Variants in GBF1 observed in about 807,000 individuals in gnomAD.
GBF1 encodes the protein golgi brefeldin A resistant guanine nucleotide exchange factor 1, also known as Golgi-specific brefeldin A-resistance guanine nucleotide exchange factor 1.
GBF1 carries 114 observed loss-of-function variants against 210.5 expected under a neutral mutation model. The observed-to-expected ratio is 0.54, with a 90% CI of 0.47 to 0.63. The LOEUF (loss-of-function observed/expected upper bound fraction) is 0.63, where lower values mean the gene tolerates loss of function less well. Among genes scored for constraint, GBF1 ranks in the 30% least tolerant of loss-of-function variants. The probability of loss-of-function intolerance (pLI) is 0.00; values close to 1 mark genes in which losing one functional copy is unlikely to be tolerated. For missense variants in GBF1, 1,851 were observed against 2,357.7 expected, an observed-to-expected ratio of 0.79 and a Z score of 4.45; for synonymous variants, 850 against 889.2, an observed-to-expected ratio of 0.96 and a Z score of 0.78.
At chr10:102,260,473 C>CTCTTTTTTTTTT (rs2073056936) in intron 3 of GBF1, among the ~76,000 whole-genome samples, 4 of 74,792 alleles carry the variant, frequency 5.3e-5, no homozygotes, top group African/African-American at 2.1e-4. Context: ...ATTTTCCTTT[C>CTCTTTTTTTTTT]TTCTTTTTTT....
chr10:102,302,374 G>C (rs756691261), intron 3 of GBF1, among the ~76,000 whole-genome samples: 2 of 152,020 alleles, frequency 1.3e-5, no homozygotes, highest in Non-Finnish European at 2.9e-5. Context: ...TTAAAGGAGT[G>C]AACTATATCT....
Position 102,362,671 on chromosome 10 carries a change from G to C in GBF1, c.1876+7G>C. The C allele has an allele frequency of 1.2e-6, 2 of 1,609,316 alleles. No individual in the cohort carries two copies. The highest frequency in any genetic ancestry group is 1.7e-6 in the Non-Finnish European group (2 of 1,175,722). ...ACCCGAGAAGCTAGCAATAGTGAGA[G>C]GCATTTCTTTCTTTGATGAACCCAG... On this transcript the variant is annotated splice_region_variant and intron_variant, in intron 15 of 39. Transcript: ENST00000369983.
rs778603358 is a variant in GBF1, at chr10:102,370,002, C to T, written c.3339+18C>T. 3.7e-6 allele frequency: 6 copies of T among 1,613,770 alleles called. No individual in the cohort carries two copies. The East Asian group carries it at 1.1e-4, about 30-fold the overall frequency. On this transcript the variant is annotated intron_variant, in intron 26 of 39. Transcript: ENST00000369983. ...GTATAAAGGTAACTGCCCATCCACC[C>T]CTGGTGAGAAAGCCTAAACACCTTC... is the stretch of plus-strand genomic sequence containing the variant.
Position 102,382,318 on chromosome 10 carries a change from C to CA in GBF1, c.5566dup (p.Thr1856AsnfsTer3), listed in dbSNP as rs764254775. ...CACCCCGCCCCACAGATCCCATACC[C>CA]ACCTCTGAGGTCAACTAAGGCAGGT... On this transcript the variant is annotated frameshift_variant, in exon 40 of 40. Transcript: ENST00000369983. LOFTEE classifies it high-confidence loss of function. The CA allele has an allele frequency of 6.2e-7, 1 of 1,611,354 alleles. No homozygotes were observed. The highest frequency in any genetic ancestry group is 1.7e-5 in the Admixed American group (1 of 59,728).
At chr10:102,369,066 G>A in intron 23 of GBF1, 145 bp from the exon 24 acceptor site, 1 of 691,598 alleles carries the variant, frequency 1.4e-6, no homozygotes, top group Non-Finnish European at 2.5e-6. Context: ...GCCTTAACTA[G>A]GTTAACCCAC....
intron 3 of GBF1, among the ~76,000 whole-genome samples, chr10:102,334,422 G>A (rs924646170): frequency 1.3e-5 from 2 of 152,212 alleles, no homozygotes; most frequent in Non-Finnish European, 2.9e-5. Flanking sequence ...CCTCCTGGGA[G>A]GATGGTGGCT....
Position 102,366,694 on chromosome 10 carries a change from C to G in GBF1, c.2433+188C>G, listed in dbSNP as rs1190526697. On this transcript the variant is annotated intron_variant, in intron 19 of 39. Transcript: ENST00000369983. The surrounding 1 kb of genome is among the most constrained non-coding windows in gnomAD (Gnocchi z 4.0). ...CTCCACCCCCCGGGTTCAAGCAATT[C>G]TCCTGCCTTAGCCTCCTGAGTAGCT... Among the ~76,000 whole-genome samples the G allele has an allele frequency of 6.6e-6, 1 of 150,402 alleles. No homozygotes were observed. Among genetic ancestry groups the G allele is most frequent in the South Asian group, 2.1e-4 (1 of 4,688 alleles).
chr10:102,312,939 T>C (rs557868710), intron 3 of GBF1, among the ~76,000 whole-genome samples: 3 of 152,226 alleles, frequency 2.0e-5, no homozygotes, highest in African/African-American at 7.2e-5. Flanking sequence ...GCTAGGCTCA[T>C]CTTGATGGTC....
rs566020789 is a variant in GBF1, at chr10:102,358,570, AGTG to A, written c.855_857del (p.Val286del). Reference sequence around the variant, plus strand: ...CTGCAAGTTCAGAAGCTGCCTCAGCAGTGGTCAGTCCCTCTACAGACAGTGGCC... The same window carrying A: ...CTGCAAGTTCAGAAGCTGCCTCAGCAGTCAGTCCCTCTACAGACAGTGGCC... On this transcript the variant is annotated inframe_deletion, in exon 10 of 40. Coordinates refer to ENST00000369983, the MANE Select transcript of GBF1 (RefSeq NM_001377137.1). The A allele has an allele frequency of 8.1e-5, 131 of 1,614,104 alleles. No individual in the cohort carries two copies. The Middle Eastern group carries it at 2.3e-3, about 28-fold the overall frequency.
intron 3 of GBF1, among the ~76,000 whole-genome samples, chr10:102,325,073 T>C (rs2056775221): frequency 6.6e-6 from 1 of 152,256 alleles, no homozygotes; most frequent in Admixed American, 6.5e-5. Flanking sequence ...TCTGAGGCTA[T>C]CTACTCTTCT....
chr10:102,366,358 C>T lies in GBF1; in HGVS notation c.2310-25C>T, dbSNP rs755963561. On this transcript the variant is annotated intron_variant, in intron 18 of 39. Transcript: ENST00000369983. This position sits in a 1 kb window ranked among gnomAD's most constrained non-coding sequence, Gnocchi z 4.0. ...CATGTGCAGCTTACACATTTTCAGC[C>T]TCTTCTTCCTTTCTTTCCCTATAGC... is the stretch of plus-strand genomic sequence containing the variant. 3.7e-6 allele frequency: 6 copies of T among 1,613,560 alleles called. 1 individual carries two copies. In the Admixed American group the frequency reaches 1.0e-4, roughly 27 times the overall value.
intron 3 of GBF1, among the ~76,000 whole-genome samples, chr10:102,320,090 G>A (rs2056257159): frequency 1.3e-5 from 2 of 152,046 alleles, no homozygotes; most frequent in African/African-American, 4.8e-5. Flanking sequence ...TCATCCAGTA[G>A]CTTCTAGGAA....
chr10:102,274,230 A>G (rs918306614), intron 3 of GBF1, among the ~76,000 whole-genome samples: 1 of 152,170 alleles, frequency 6.6e-6, no homozygotes, highest in African/African-American at 2.4e-5. Flanking sequence ...CAGTTTCCAC[A>G]CGTGACCTCA....
At chr10:102,275,989 C>T (rs2074921472) in intron 3 of GBF1, among the ~76,000 whole-genome samples, 1 of 152,222 alleles carries the variant, frequency 6.6e-6, no homozygotes, top group Non-Finnish European at 1.5e-5. Context: ...GTAATCCCAG[C>T]ACTTTGGGAG....
At position 102,375,492 on chromosome 10, in the gene GBF1, C is replaced by T. The variant is rs1219961911; in HGVS notation, c.3794C>T (p.Ala1265Val). The T allele has an allele frequency of 1.2e-6, 2 of 1,613,214 alleles. No homozygotes were observed. The highest frequency in any genetic ancestry group is 4.5e-5 in the East Asian group (2 of 44,878). ...AANIHSGDDW[A>V]TLFTLLECIG... The stretch of plus-strand genomic sequence containing the variant: ...AACATCCACTCAGGTGATGACTGGG[C>T]CACACTCTTCACACTGCTGGAGTGC... The change falls in exon 30 of 40, where the codon GCC becomes GTC. Residue 1265 changes from alanine (A) to valine (V), a missense_variant. Ala to Val is a moderately conservative substitution (Grantham distance 64). Transcript: ENST00000369983.
intron 1 of GBF1, among the ~76,000 whole-genome samples, chr10:102,257,740 A>C (rs1033280225): frequency 6.6e-6 from 1 of 151,934 alleles, no homozygotes; most frequent in Non-Finnish European, 1.5e-5. Flanking sequence ...AGTAGATTAA[A>C]AAGAACAAAG....
At chr10:102,239,963 TG>T in the GBF1 span, among the ~76,000 whole-genome samples, 2 of 152,214 alleles carry the variant, frequency 1.3e-5, no homozygotes, top group Admixed American at 6.5e-5. Context: ...CTGGATTCCA[TG>T]AGCCTCCTTC....
At chr10:102,242,041 TTC>T (rs2070550623), upstream of GBF1, among the ~76,000 whole-genome samples, 1 of 152,220 alleles carries the variant, frequency 6.6e-6, no homozygotes, top group Admixed American at 6.5e-5. Context: ...TTCTTTCCTC[TTC>T]TTTCTCCTCA....
In GBF1 at chr10:102,366,972, C is replaced by T; in HGVS notation, c.2434-113C>T. ...TGTTAAGGAGTTGGCAAGAGACTGG[C>T]CACTTTCTGGATGGTACCTCTCCTC... On this transcript the variant is annotated intron_variant, in intron 19 of 39. Coordinates refer to ENST00000369983, the MANE Select transcript of GBF1 (RefSeq NM_001377137.1). This position sits in a 1 kb window ranked among gnomAD's most constrained non-coding sequence, Gnocchi z 4.0. 2 of 1,167,434 alleles carry T rather than the reference C, an allele frequency of 1.7e-6. No individual in the cohort carries two copies. The highest frequency in any genetic ancestry group is 2.9e-5 in the South Asian group (2 of 68,006). The allele number at this position is 1,167,434 out of a possible 1,614,324, so 72.3% of individuals were successfully genotyped here.
Sources: gnomAD v4.1 joint callset for allele counts (sites outside exome capture counted in the v4.1 genomes callset) on GRCh38, gnomAD v4.1.1 for gene constraint, Gnocchi (gnomAD v3.1) non-coding constraint, MANE v1.5 for transcripts, NCBI Gene and HGNC (gene_info 2026-07-23, HGNC 2026-07-21) for gene names.